The following ZFAND3 variants were observed in gnomAD, a reference collection of about 807,000 sequenced individuals.
ZFAND3 encodes the protein zinc finger AN1-type containing 3, also known as AN1-type zinc finger protein 3.
A neutral mutation model predicts 29.6 loss-of-function variants in ZFAND3; 10 were observed. The observed-to-expected ratio is 0.34, with a 90% confidence interval of 0.21 to 0.57. The LOEUF is 0.57. Ranked by LOEUF, ZFAND3 falls within the 20% of genes least tolerant of loss-of-function variation. The pLI is 0.86. For synonymous variants in ZFAND3, 128 were observed against 112.6 expected (o/e 1.14, Z -0.87); for missense variants, 230 against 304.5 (o/e 0.76, Z 1.82).
At chr6:37,947,622 G>A (rs1263680000) in intron 2 of ZFAND3, among the ~76,000 whole-genome samples, 2 of 152,144 alleles carry the variant, frequency 1.3e-5, no homozygotes, top group Non-Finnish European at 2.9e-5. Flanking sequence ...CAGTGATTAA[G>A]AGGAAACAAT....
At chr6:38,091,219 G>A (rs2127474032) in intron 4 of ZFAND3, among the ~76,000 whole-genome samples, 1 of 152,216 alleles carries the variant, frequency 6.6e-6, no homozygotes, top group African/African-American at 2.4e-5. Flanking sequence ...TCCAGGCTTT[G>A]CTGTTGAGCT....
chr6:37,899,230 CT>C, intron 1 of ZFAND3, among the ~76,000 whole-genome samples: 1 of 152,250 alleles, frequency 6.6e-6, no homozygotes, highest in South Asian at 2.1e-4. Context: ...ATTCCTTTTT[CT>C]TTTGATGATG....
chr6:37,837,959 A>G (rs1434310042), intron 1 of ZFAND3, among the ~76,000 whole-genome samples: 1 of 152,194 alleles, frequency 6.6e-6, no homozygotes, highest in Non-Finnish European at 1.5e-5. Flanking sequence ...TTATTTTAGA[A>G]TATCCCTGGA....
intron 1 of ZFAND3, among the ~76,000 whole-genome samples, chr6:37,822,396 G>C (rs1763682969): frequency 1.3e-5 from 2 of 152,164 alleles, no homozygotes; most frequent in Non-Finnish European, 2.9e-5. Flanking sequence ...CAATTGTGTA[G>C]TTTGTATTTT....
intron 1 of ZFAND3, among the ~76,000 whole-genome samples, chr6:37,866,637 C>T (rs1301447022): frequency 6.6e-6 from 1 of 152,150 alleles, no homozygotes; most frequent in Non-Finnish European, 1.5e-5. Context: ...TTTCACAGGA[C>T]ACTCCCAAAG....
chr6:37,842,760 A>T (rs938441720), intron 1 of ZFAND3, among the ~76,000 whole-genome samples: 5 of 152,180 alleles, frequency 3.3e-5, no homozygotes, highest in African/African-American at 1.2e-4. Flanking sequence ...CCCTGGCCCT[A>T]TGAGCATCCC....
chr6:37,913,984 C>T (rs565984903), intron 1 of ZFAND3, among the ~76,000 whole-genome samples: 14 of 152,110 alleles, frequency 9.2e-5, no homozygotes, highest in Admixed American at 4.6e-4. Flanking sequence ...CTCAGCCTCC[C>T]GAAGTGCTGG....
At chr6:38,124,657 C>T (rs774135765) in intron 5 of ZFAND3, among the ~76,000 whole-genome samples, 1 of 152,200 alleles carries the variant, frequency 6.6e-6, no homozygotes, top group African/African-American at 2.4e-5. Flanking sequence ...TCTAGCTGGC[C>T]CATAAGCGCC....
intron 2 of ZFAND3, among the ~76,000 whole-genome samples, chr6:38,037,643 A>G (rs1396822152): frequency 1.3e-5 from 2 of 152,206 alleles, no homozygotes; most frequent in Non-Finnish European, 2.9e-5. Context: ...TAGGAGACAT[A>G]AGCAGCACTT....
intron 2 of ZFAND3, among the ~76,000 whole-genome samples, chr6:38,059,211 G>A (rs552283138): frequency 1.5e-4 from 23 of 152,264 alleles, no homozygotes; most frequent in African/African-American, 5.3e-4. Context: ...TGGCCTCAAA[G>A]AGATAATCAC....
chr6:38,010,191 G>T lies in ZFAND3; in HGVS notation c.113-51402G>T, dbSNP rs372158056. Among the ~76,000 whole-genome samples the T allele has an allele frequency of 1.6e-4, 24 of 152,292 alleles. No homozygotes were observed. The South Asian group carries it at 5.0e-3, about 32-fold the overall frequency. ...GGACAGGGCACCATCCCATTGCAGGGCGCACTCACAGTCACTCATTCTGGA... is the reference window on the plus strand; with the variant it reads ...GGACAGGGCACCATCCCATTGCAGGTCGCACTCACAGTCACTCATTCTGGA... On this transcript the variant is annotated intron_variant, in intron 2 of 5. Coordinates refer to ENST00000287218, the MANE Select transcript of ZFAND3 (RefSeq NM_021943.3).
At chr6:38,102,142 CCTT>C (rs1388349316) in intron 4 of ZFAND3, among the ~76,000 whole-genome samples, 13 of 152,118 alleles carry the variant, frequency 8.5e-5, no homozygotes, top group African/African-American at 3.1e-4. Flanking sequence ...TCCTCCTCCT[CCTT>C]CATCTTCTTC....
At chr6:38,083,355 C>T (rs1764699365) in intron 4 of ZFAND3, among the ~76,000 whole-genome samples, 1 of 152,120 alleles carries the variant, frequency 6.6e-6, no homozygotes, top group South Asian at 2.1e-4. Flanking sequence ...GTACTCTTCT[C>T]TTCCAAATGA....
At chr6:38,051,388 C>T (rs1039490013) in intron 2 of ZFAND3, among the ~76,000 whole-genome samples, 1 of 152,178 alleles carries the variant, frequency 6.6e-6, no homozygotes, top group Non-Finnish European at 1.5e-5. Context: ...CTTTTCTATT[C>T]TGTTGTCATT....
chr6:38,049,148 T>C (rs1346324399), intron 2 of ZFAND3, among the ~76,000 whole-genome samples: 2 of 152,254 alleles, frequency 1.3e-5, no homozygotes, highest in Non-Finnish European at 2.9e-5. Flanking sequence ...CTGAAAACTT[T>C]CGTATTTGTA....
At chr6:38,103,678 C>T (rs979531890) in intron 4 of ZFAND3, among the ~76,000 whole-genome samples, 3 of 151,942 alleles carry the variant, frequency 2.0e-5, no homozygotes, top group East Asian at 1.9e-4. Flanking sequence ...TAACACTGTA[C>T]GAACACTGTA....
chr6:38,021,801 C>T (rs979575236), intron 2 of ZFAND3, among the ~76,000 whole-genome samples: 1 of 152,156 alleles, frequency 6.6e-6, no homozygotes, highest in African/African-American at 2.4e-5. Flanking sequence ...CCTGCTTTCC[C>T]CATTCAGCAA....
chr6:38,055,490 G>A (rs184597566), intron 2 of ZFAND3, among the ~76,000 whole-genome samples: 57 of 152,316 alleles, frequency 3.7e-4, no homozygotes, highest in South Asian at 6.2e-4. Context: ...TAAGGAGGGA[G>A]CAGGTTTGCC....
intron 2 of ZFAND3, among the ~76,000 whole-genome samples, chr6:37,968,970 C>T (rs1321344264): frequency 6.6e-6 from 1 of 152,204 alleles, no homozygotes; most frequent in Non-Finnish European, 1.5e-5. Flanking sequence ...AGGATATGTT[C>T]TGAGTGAACT....
Sources: allele counts gnomAD v4.1 joint callset (sites outside exome capture counted in the v4.1 genomes callset), GRCh38; gene constraint gnomAD v4.1.1; transcripts MANE v1.5; gene names NCBI Gene and HGNC (gene_info 2026-07-23, HGNC 2026-07-21).